Variants in DMXL2 observed in about 807,000 individuals in gnomAD.
The protein encoded by DMXL2 is Dmx like 2.
In DMXL2, 103 loss-of-function variants were observed where a neutral mutation model predicts 331.1. The observed-to-expected ratio is 0.31, with a 90% CI of 0.27 to 0.37. DMXL2 has a LOEUF of 0.37. Among genes scored for constraint, DMXL2 ranks in the 10% least tolerant of loss-of-function variants. DMXL2 has a pLI of 1.00. For synonymous variants in DMXL2, 1,281 were observed against 1,252.1 expected (o/e 1.02, Z -0.49); for missense variants, 3,171 against 3,642.9 (o/e 0.87, Z 3.33).
At chr15:51,470,303 T>TA (rs1454538215) in intron 29 of DMXL2, among the ~76,000 whole-genome samples, 1 of 152,066 alleles carries the variant, frequency 6.6e-6, no homozygotes, top group African/African-American at 2.4e-5. Context: ...ACCTACGTTT[T>TA]AAAATTTTTT....
intron 13 of DMXL2, among the ~76,000 whole-genome samples, chr15:51,527,308 A>G (rs944212096): frequency 6.6e-6 from 1 of 152,226 alleles, no homozygotes. Flanking sequence ...TCCTTCAAAC[A>G]TGAAGGATAA....
Position 51,498,960 on chromosome 15 carries a change from C to T in DMXL2, c.4264G>A (p.Glu1422Lys), listed in dbSNP as rs1477585864. 6.2e-7 allele frequency: 1 copy of T among 1,613,924 alleles called. No individual in the cohort carries two copies. ...GGTAGTGGAGGGATAGAATCTATCT[C>T]AGTATAATCTCGAGTACCATCTTTT... ...VGKDGTRDYT[E>K]IDSIPPLPLY... Residue 1422 changes from glutamate (E) to lysine (K), a missense_variant, in exon 18 of 44, where the codon GAG becomes AAG. Coordinates refer to ENST00000560891, the MANE Select transcript of DMXL2 (RefSeq NM_001378457.1).
chr15:51,484,410 G>A (rs369607906), intron 23 of DMXL2, among the ~76,000 whole-genome samples: 37 of 152,262 alleles, frequency 2.4e-4, no homozygotes, highest in African/African-American at 7.5e-4. Context: ...GGCCATCACC[G>A]CAAACTCTTT....
At position 51,449,035 on chromosome 15, in the gene DMXL2, C is replaced by T. The variant is rs377111969; in HGVS notation, c.9126G>A (p.Arg3042=). 1.2e-6 allele frequency: 2 copies of T among 1,613,944 alleles called. No individual in the cohort carries two copies. The highest frequency in any genetic ancestry group is 1.7e-6 in the Non-Finnish European group (2 of 1,180,008). The change falls in exon 44 of 44, where the codon AGG becomes AGA. Residue 3042 remains arginine (R), a synonymous_variant. Coordinates refer to ENST00000560891, the MANE Select transcript of DMXL2 (RefSeq NM_001378457.1). ...GGATGTTAAAAGCATTGGGCAAAACCCTGGTTTTCAGCGTGCCATCTGCAC... is the reference window on the plus strand; with the variant it reads ...GGATGTTAAAAGCATTGGGCAAAACTCTGGTTTTCAGCGTGCCATCTGCAC... ...SCGADGTLKT[R]VLPNAFNIPN...
intron 1 of DMXL2, among the ~76,000 whole-genome samples, chr15:51,590,234 C>G (rs1232085780): frequency 6.6e-6 from 1 of 152,132 alleles, no homozygotes; most frequent in African/African-American, 2.4e-5. Context: ...CCTAGATATT[C>G]AACTAGTAAA....
intron 1 of DMXL2, among the ~76,000 whole-genome samples, chr15:51,581,897 AC>A (rs1467230859): frequency 6.6e-6 from 1 of 152,132 alleles, no homozygotes; most frequent in Non-Finnish European, 1.5e-5. Context: ...AAAAAAAGAA[AC>A]AAAACCTGAT....
At chr15:51,582,331 T>A (rs1595605958) in intron 1 of DMXL2, among the ~76,000 whole-genome samples, 1 of 152,200 alleles carries the variant, frequency 6.6e-6, no homozygotes, top group East Asian at 1.9e-4. Context: ...ACTTTACTAA[T>A]GACATTTTTC....
At chr15:51,532,884 A>G (rs1020986460) in intron 13 of DMXL2, among the ~76,000 whole-genome samples, 29 of 152,334 alleles carry the variant, frequency 1.9e-4, no homozygotes, top group African/African-American at 7.0e-4. Context: ...TCCCATTTAT[A>G]ATGAGATGAT....
chr15:51,491,467 T>A, intron 20 of DMXL2, 111 bp downstream of exon 20: 1 of 1,116,820 alleles, frequency 9.0e-7, no homozygotes, highest in Non-Finnish European at 1.3e-6. Flanking sequence ...TCTCAAGACC[T>A]CAAGATAGAC....
At chr15:51,526,189 G>A (rs910864440) in intron 13 of DMXL2, among the ~76,000 whole-genome samples, 3 of 132,712 alleles carry the variant, frequency 2.3e-5, no homozygotes, top group Non-Finnish European at 3.2e-5. Flanking sequence ...TGGGTGGGGG[G>A]AGAGAGAGAG....
chr15:51,514,219 C>T (rs925102803), intron 15 of DMXL2, among the ~76,000 whole-genome samples: 2 of 152,084 alleles, frequency 1.3e-5, no homozygotes, highest in Non-Finnish European at 2.9e-5. Flanking sequence ...TTCACAGATA[C>T]CATTTCTTAG....
At chr15:51,496,443 C>T (rs976045355) in intron 18 of DMXL2, among the ~76,000 whole-genome samples, 1 of 152,126 alleles carries the variant, frequency 6.6e-6, no homozygotes, top group Non-Finnish European at 1.5e-5. Context: ...AGGAACAAGC[C>T]ATGCATGAAT....
chr15:51,552,432 G>A lies in DMXL2; in HGVS notation c.568-5024C>T, dbSNP rs141825468. ...GACTTCAAAAACCTTAGCTGCTTCT[G>A]TGATCACTAAGATCATTAAAACTTT... is the stretch of plus-strand genomic sequence containing the variant. On this transcript the variant is annotated intron_variant, in intron 6 of 43. Transcript: ENST00000560891. Among the ~76,000 whole-genome samples, 1,453 of 152,288 alleles carry A rather than the reference G, an allele frequency of 9.5e-3. 20 individuals are homozygous for A. The highest frequency in any genetic ancestry group is 0.034 in the African/African-American group (1,397 of 41,548).
chr15:51,589,965 A>G (rs1445130861), intron 1 of DMXL2, among the ~76,000 whole-genome samples: 2 of 152,246 alleles, frequency 1.3e-5, no homozygotes, highest in East Asian at 3.8e-4. Flanking sequence ...TAAACAACAC[A>G]TAATAGAAAA....
chr15:51,457,335 G>A lies in DMXL2; in HGVS notation c.8330C>T (p.Ala2777Val). Residue 2777 changes from alanine (A) to valine (V), a missense_variant, in exon 37 of 44, where the codon GCT becomes GTT. Physicochemically the swap from Ala to Val is moderately conservative, Grantham distance 64. Around this residue, in one of 7 missense-constraint regions of DMXL2, gnomAD observed 766 missense variants for 940.5 expected, o/e 0.81. Transcript: ENST00000560891. Reference sequence around the variant, plus strand: ...TATAAGTAAATAACATACCACACTAGCTCCAGTGCTAGTCTGTCCAGTGCC... The same window carrying A: ...TATAAGTAAATAACATACCACACTAACTCCAGTGCTAGTCTGTCCAGTGCC... The part of the protein sequence containing the change: ...WLGTGQTSTG[A>V]SVLMKRNLHN... 6.2e-7 allele frequency: 1 copy of A among 1,613,324 alleles called. No individual in the cohort carries two copies. Among genetic ancestry groups the A allele is most frequent in the Non-Finnish European group, 8.5e-7 (1 of 1,179,780 alleles).
chr15:51,526,106 GAGAA>G (rs1407808313), intron 13 of DMXL2, among the ~76,000 whole-genome samples: 2 of 142,682 alleles, frequency 1.4e-5, no homozygotes, highest in African/African-American at 2.6e-5. Context: ...AAAAGAGAGA[GAGAA>G]AGAGAGAGGG....
At chr15:51,520,981 G>A (rs1185036133) in intron 13 of DMXL2, among the ~76,000 whole-genome samples, 1 of 152,030 alleles carries the variant, frequency 6.6e-6, no homozygotes, top group African/African-American at 2.4e-5. Context: ...CAGTTGTTTT[G>A]ACCATGCCTA....
chr15:51,612,686 C>A (rs1203314478), intron 1 of DMXL2, among the ~76,000 whole-genome samples: 1 of 152,106 alleles, frequency 6.6e-6, no homozygotes, highest in Non-Finnish European at 1.5e-5. Context: ...GATCTCAGGA[C>A]CGGGTTGAAA....
chr15:51,503,256 G>T (rs532224786), intron 16 of DMXL2, among the ~76,000 whole-genome samples: 1 of 152,228 alleles, frequency 6.6e-6, no homozygotes, highest in Non-Finnish European at 1.5e-5. Flanking sequence ...GTATATCAAA[G>T]GGATAACTGC....
Sources: allele counts gnomAD v4.1 joint callset (sites outside exome capture counted in the v4.1 genomes callset), GRCh38; gene constraint gnomAD v4.1.1; regional missense constraint gnomAD v4.1.1; transcripts MANE v1.5; gene names NCBI Gene and HGNC (gene_info 2026-07-23, HGNC 2026-07-21).